ZNF660: variants seen among roughly 807,000 people sequenced by gnomAD.
ZNF660 encodes the protein zinc finger protein 660.
In ZNF660, 24 loss-of-function variants were observed where a neutral mutation model predicts 23.2. The ratio of observed to expected loss-of-function variants is 1.04; its 90% CI spans 0.75 to 1.46. The LOEUF (loss-of-function observed/expected upper bound fraction) is 1.46. ZNF660 is among the 40% of genes most tolerant of loss of function. ZNF660 has a pLI of 0.00. For synonymous variants in ZNF660, 117 were observed against 131.4 expected (o/e 0.89, Z 0.75); for missense variants, 373 against 396.8 (o/e 0.94, Z 0.51).
At position 44,594,361 on chromosome 3, in the gene ZNF660, G is replaced by A; in HGVS notation, c.168G>A (p.Gly56=). Residue 56 remains glycine (G), a synonymous_variant, in exon 3 of 3, where the codon GGG becomes GGA. Coordinates refer to ENST00000322734, the MANE Select transcript of ZNF660 (RefSeq NM_173658.4). ...EKRQYVCTEC[G]KAFSQSANLT... ...GACAGTATGTATGTACTGAGTGTGGGAAAGCCTTTAGTCAGAGTGCAAACC... is the reference window on the plus strand; with the variant it reads ...GACAGTATGTATGTACTGAGTGTGGAAAAGCCTTTAGTCAGAGTGCAAACC... The A allele has an allele frequency of 6.2e-7, 1 of 1,614,214 alleles. No individual in the cohort carries two copies. Among genetic ancestry groups the A allele is most frequent in the South Asian group, 1.1e-5 (1 of 91,086 alleles).
chr3:44,585,257 C>T (rs1294372547), intron 1 of ZNF660, among the ~76,000 whole-genome samples: 31 of 152,180 alleles, frequency 2.0e-4, no homozygotes, highest in Admixed American at 2.0e-3. Flanking sequence ...TGTGTCGTCC[C>T]CGCTCCTAGG....
Position 44,594,614 on chromosome 3 carries a change from A to G in ZNF660, c.421A>G (p.Lys141Glu), listed in dbSNP as rs754420651. The G allele has an allele frequency of 1.9e-6, 3 of 1,614,188 alleles. No homozygotes were observed. Among genetic ancestry groups the G allele is most frequent in the Non-Finnish European group, 2.5e-6 (3 of 1,180,026 alleles). Residue 141 changes from lysine (K) to glutamate (E), a missense_variant, in exon 3 of 3, where the codon AAA becomes GAA. Transcript: ENST00000322734. ...AACTTATGAATGTAAAGAGTGTGGG[A>G]AAGCCTTTAGTCGGAGTTCGGGCCT... ...EKTYECKECGKAFSRSSGLIS... is the reference protein window; with the variant it reads ...EKTYECKECGEAFSRSSGLIS...
intron 2 of ZNF660, among the ~76,000 whole-genome samples, chr3:44,589,284 T>A (rs9862630): frequency 6.6e-6 from 1 of 152,160 alleles, no homozygotes; most frequent in East Asian, 1.9e-4. Flanking sequence ...AATGCAAAAT[T>A]TATTGTCCAA....
chr3:44,595,158 G>C lies in ZNF660; in HGVS notation c.965G>C (p.Arg322Thr), dbSNP rs768418060. The change falls in exon 3 of 3, where the codon AGG (arginine) becomes ACG (threonine). Residue 322 changes from arginine (R) to threonine (T), a missense_variant. By Grantham distance (71) the Arg-to-Thr change is moderately conservative. Coordinates refer to ENST00000322734, the MANE Select transcript of ZNF660 (RefSeq NM_173658.4). The stretch of plus-strand genomic sequence containing the variant: ...AGTTCACAGCTTATTCAACACCAGA[G>C]GAAACATAATGAGGAGAAAGAAACC... The part of the protein sequence containing the change: ...RYSSQLIQHQ[R>T]KHNEEKETS 3 of 1,587,878 alleles carry C rather than the reference G, an allele frequency of 1.9e-6. No homozygotes were observed. The Admixed American group carries it at 5.5e-5, about 29-fold the overall frequency.
chr3:44,596,418 T>C lies in ZNF660; in HGVS notation c.*1229T>C, dbSNP rs1269802270. 1 of 152,246 alleles carries C rather than the reference T, an allele frequency of 6.6e-6. No individual in the cohort carries two copies. Among genetic ancestry groups the C allele is most frequent in the Non-Finnish European group, 1.5e-5 (1 of 68,044 alleles). 9.4% of individuals were successfully genotyped at this position (152,246 alleles called of 1,614,324 possible). The stretch of plus-strand genomic sequence containing the variant: ...TTAAGTATAGGACATTGTAGCAGTG[T>C]TTCTAAACACTTTAGGGAGAGTGAT... On this transcript the variant is annotated 3_prime_UTR_variant, in exon 3 of 3. Coordinates refer to ENST00000322734, the MANE Select transcript of ZNF660 (RefSeq NM_173658.4).
chr3:44,594,593 T>A lies in ZNF660; in HGVS notation c.400T>A (p.Tyr134Asn). 1 of 1,614,136 alleles carries A rather than the reference T, an allele frequency of 6.2e-7. No homozygotes were observed. The highest frequency in any genetic ancestry group is 1.1e-5 in the South Asian group (1 of 91,084). ...GGGAATCCACAGTGGGGAGAAAACT[T>A]ATGAATGTAAAGAGTGTGGGAAAGC... is the stretch of plus-strand genomic sequence containing the variant. ...HQGIHSGEKT[Y>N]ECKECGKAFS... Residue 134 changes from tyrosine (Y) to asparagine (N), a missense_variant, in exon 3 of 3, where the codon TAT becomes AAT. By Grantham distance (143) the Tyr-to-Asn change is moderately radical (BLOSUM62 -2). Transcript: ENST00000322734.
At chr3:44,590,970 ATGTGCC>A (rs1355458406) in intron 2 of ZNF660, among the ~76,000 whole-genome samples, 1 of 152,160 alleles carries the variant, frequency 6.6e-6, no homozygotes, top group Non-Finnish European at 1.5e-5. Context: ...GTTTGTGTGT[ATGTGCC>A]TGTGTATGGA....
Position 44,596,390 on chromosome 3 carries a change from A to C in ZNF660, c.*1201A>C, listed in dbSNP as rs1367821205. The C allele has an allele frequency of 2.0e-5, 3 of 152,214 alleles. No homozygotes were observed. The highest frequency in any genetic ancestry group is 4.4e-5 in the Non-Finnish European group (3 of 68,034). 9.4% of individuals were successfully genotyped at this position (152,214 alleles called of 1,614,324 possible). On this transcript the variant is annotated 3_prime_UTR_variant, in exon 3 of 3. Transcript: ENST00000322734. ...AGCCAGACACGTGGTAAATGATAAA[A>C]TCTTAAGTATAGGACATTGTAGCAG...
At chr3:44,586,985 G>A (rs1347225254) in intron 2 of ZNF660, 1 of 152,130 alleles carries the variant, frequency 6.6e-6, no homozygotes, top group Non-Finnish European at 1.5e-5. Context: ...GCATTTTTTG[G>A]AATACAGAAA....
At chr3:44,586,666 A>T (rs2125743379) in intron 2 of ZNF660, 1 of 152,362 alleles carries the variant, frequency 6.6e-6, no homozygotes. Flanking sequence ...TGTTTCCCAG[A>T]TAATATGAAG....
Position 44,594,936 on chromosome 3 carries a change from G to A in ZNF660, c.743G>A (p.Cys248Tyr), listed in dbSNP as rs778681648. ...RLHRREKPYK[C>Y]NECGKAFTSN... ...CATCGTAGAGAGAAACCTTACAAAT[G>A]TAATGAGTGTGGGAAGGCTTTTACT... The change falls in exon 3 of 3, where the codon TGT (cysteine) becomes TAT (tyrosine). Residue 248 changes from cysteine (C) to tyrosine (Y), a missense_variant. Physicochemically the swap from Cys to Tyr is radical, Grantham distance 194. Transcript: ENST00000322734. 6.9e-5 allele frequency: 111 copies of A among 1,613,956 alleles called. No individual in the cohort carries two copies. The highest frequency in any genetic ancestry group is 9.2e-5 in the Non-Finnish European group (109 of 1,180,038).
chr3:44,585,621 C>T (rs764304327), intron 1 of ZNF660, among the ~76,000 whole-genome samples: 1 of 152,048 alleles, frequency 6.6e-6, no homozygotes, highest in South Asian at 2.1e-4. Context: ...CTTAGTAATC[C>T]TAAGAAATGG....
Position 44,599,531 on chromosome 3 carries a change from GT to G in ZNF660, c.*4348del, listed in dbSNP as rs369561095. 6.6e-6 allele frequency: 1 copy of G among 151,968 alleles called. No individual in the cohort carries two copies. The highest frequency in any genetic ancestry group is 3.2e-3 in the Middle Eastern group (1 of 316). 9.4% of individuals were successfully genotyped at this position (151,968 alleles called of 1,614,324 possible). A position where few individuals can be genotyped will look rare whatever the true frequency, so the allele number is the denominator to read the frequency against. ...CTCAGCAGGACTTCCTTTCTTGATT[GT>G]TTTTTCCATTTAATATAAAATTTAA... On this transcript the variant is annotated 3_prime_UTR_variant, in exon 3 of 3. Transcript: ENST00000322734.
At position 44,592,182 on chromosome 3, in the gene ZNF660, AATAAGT is replaced by A. The variant is rs139250972; in HGVS notation, c.-180-1829_-180-1824del. Among the ~76,000 whole-genome samples the A allele has an allele frequency of 8.8e-3, 1,339 of 152,314 alleles. 21 individuals carry two copies. The highest frequency in any genetic ancestry group is 0.031 in the African/African-American group (1,281 of 41,572). ...TTAAATGTTCTTACCATGAAAAAAT[AATAAGT>A]ATGTGAAGTAATGGATATGTTAATT... On this transcript the variant is annotated intron_variant, in intron 2 of 2. Coordinates refer to ENST00000322734, the MANE Select transcript of ZNF660 (RefSeq NM_173658.4).
intron 2 of ZNF660, chr3:44,587,239 G>A (rs1700255463): frequency 6.6e-6 from 1 of 152,158 alleles, no homozygotes; most frequent in Non-Finnish European, 1.5e-5. Context: ...ATTAAAGGAA[G>A]ACAGCCTCCA....
Position 44,594,152 on chromosome 3 carries a change from A to G in ZNF660, c.-42A>G, listed in dbSNP as rs769523573. 1 of 1,611,084 alleles carries G rather than the reference A, an allele frequency of 6.2e-7. No homozygotes were observed. The highest frequency in any genetic ancestry group is 8.5e-7 in the Non-Finnish European group (1 of 1,178,872). ...TTAGAAGGCTCCTCTGAAGGGAAAG[A>G]GAAGACTAGAGAGGACACTGGTATG... is the stretch of plus-strand genomic sequence containing the variant. On this transcript the variant is annotated 5_prime_UTR_variant, in exon 3 of 3. Transcript: ENST00000322734.
At position 44,591,978 on chromosome 3, in the gene ZNF660, A is replaced by G. The variant is rs148560903; in HGVS notation, c.-180-2036A>G. Reference sequence around the variant, plus strand: ...GAACCACTGCACTCTAGCCTGGGCAACAGAGCGAGCCTCCGTCTCAAAAAA... The same window carrying G: ...GAACCACTGCACTCTAGCCTGGGCAGCAGAGCGAGCCTCCGTCTCAAAAAA... On this transcript the variant is annotated intron_variant, in intron 2 of 2. Transcript: ENST00000322734. Among the ~76,000 whole-genome samples, 731 of 152,354 alleles carry G rather than the reference A, an allele frequency of 4.8e-3. 10 individuals are homozygous for G. Among genetic ancestry groups the G allele is most frequent in the African/African-American group, 0.017 (694 of 41,580 alleles).
Position 44,596,218 on chromosome 3 carries a change from C to A in ZNF660, c.*1029C>A, listed in dbSNP as rs1462036377. ...GGGGTTGGAGATATCCATGTTCTAACCCCAGTTCTACCATGAACTAGCTTG... is the reference window on the plus strand; with the variant it reads ...GGGGTTGGAGATATCCATGTTCTAAACCCAGTTCTACCATGAACTAGCTTG... On this transcript the variant is annotated 3_prime_UTR_variant, in exon 3 of 3. Transcript: ENST00000322734. 6.5e-6 allele frequency: 1 copy of A among 153,044 alleles called. No individual in the cohort carries two copies. Among genetic ancestry groups the A allele is most frequent in the Admixed American group, 6.5e-5 (1 of 15,278 alleles). The allele number at this position is 153,044 out of a possible 1,614,324, so 9.5% of individuals were successfully genotyped here.
In ZNF660 at chr3:44,595,108, T is replaced by G; in HGVS notation, c.915T>G (p.Ser305Arg). ...CTAAGGAGAAACCCTATAAATGTAG[T>G]GAGTGTGGGAAAGCCTATCGGTATA... ...THTKEKPYKC[S>R]ECGKAYRYSS... The change falls in exon 3 of 3, where the codon AGT (serine) becomes AGG (arginine). Residue 305 changes from serine (S) to arginine (R), a missense_variant. Transcript: ENST00000322734. 7 of 1,613,082 alleles carry G rather than the reference T, an allele frequency of 4.3e-6. No individual in the cohort carries two copies. Among genetic ancestry groups the G allele is most frequent in the Non-Finnish European group, 5.9e-6 (7 of 1,179,608 alleles).
Sources: allele counts gnomAD v4.1 joint callset (sites outside exome capture counted in the v4.1 genomes callset), GRCh38; gene constraint gnomAD v4.1.1; transcripts MANE v1.5; gene names NCBI Gene and HGNC (gene_info 2026-07-23, HGNC 2026-07-21).